SUMF1: variants seen among roughly 807,000 people sequenced by gnomAD.
SUMF1 encodes sulfatase modifying factor 1.
SUMF1 carries 48 observed loss-of-function variants against 47.6 expected under a neutral mutation model. That is an observed-to-expected ratio of 1.01 (90% CI 0.80 to 1.28). The LOEUF (loss-of-function observed/expected upper bound fraction) is 1.28. Ranked by LOEUF, SUMF1 falls within the 50% of genes most tolerant of loss-of-function variation. SUMF1 has a pLI of 0.00. For synonymous variants in SUMF1, 230 were observed against 192.1 expected (o/e 1.20, Z -1.63); for missense variants, 571 against 485.4 (o/e 1.18, Z -1.66).
Position 4,467,203 on chromosome 3 carries a change from C to A in SUMF1, c.43G>T (p.Glu15Ter), listed in dbSNP as rs1350782911. Residue 15 changes from glutamate (E) to a stop codon, truncating the protein, a stop_gained, in exon 1 of 9, where the codon GAG becomes TAG. Coordinates refer to ENST00000272902, the MANE Select transcript of SUMF1 (RefSeq NM_182760.4). LOFTEE classifies it high-confidence loss of function. ...ALGLVCGRCP[E>*]LGLVLLLLLL... The stretch of plus-strand genomic sequence containing the variant: ...AGCAGCAAGAGGACGAGACCCAGCT[C>A]AGGGCAACGTCCACACACCAGCCCT... 6.2e-7 allele frequency: 1 copy of A among 1,611,608 alleles called. No homozygotes were observed. Among genetic ancestry groups the A allele is most frequent in the Non-Finnish European group, 8.5e-7 (1 of 1,179,328 alleles).
intron 8 of SUMF1, among the ~76,000 whole-genome samples, chr3:4,135,908 C>A (rs1357645123): frequency 5.3e-5 from 8 of 152,106 alleles, no homozygotes; most frequent in Admixed American, 5.2e-4. Context: ...CACAGGAATC[C>A]AACTTACATG....
chr3:4,368,974 T>C (rs927866170), intron 8 of SUMF1, among the ~76,000 whole-genome samples: 1 of 151,986 alleles, frequency 6.6e-6, no homozygotes, highest in African/African-American at 2.4e-5. Context: ...CAAAGCAACA[T>C]GTGGAATAAC....
intron 8 of SUMF1, chr3:4,313,745 A>G (rs745949073): frequency 1.2e-6 from 2 of 1,614,006 alleles, no homozygotes; most frequent in South Asian, 2.2e-5. Context: ...CCCTCCTGCA[A>G]GCGATTGACC....
At chr3:4,324,284 A>G (rs1451164797) in intron 8 of SUMF1, among the ~76,000 whole-genome samples, 2 of 152,194 alleles carry the variant, frequency 1.3e-5, no homozygotes, top group South Asian at 2.1e-4. Flanking sequence ...TATCATTGTT[A>G]ATAGAATACC....
intron 8 of SUMF1, among the ~76,000 whole-genome samples, chr3:4,169,313 C>T (rs1694779376): frequency 6.6e-6 from 1 of 152,130 alleles, no homozygotes; most frequent in Non-Finnish European, 1.5e-5. Context: ...TAGGAGTTAA[C>T]AATGATCAAA....
Position 4,286,071 on chromosome 3 carries a change from G to C in SUMF1, c.1014+90259C>G, listed in dbSNP as rs1169922715. On this transcript the variant is annotated intron_variant and NMD_transcript_variant, in intron 8 of 12. Coordinates refer to the SUMF1 transcript ENST00000448413. ...GCACATTCTTTACAAGACTCCTTAA[G>C]AGTATCACTCATTTGTTATATGCTT... 2.0e-4 allele frequency among the ~76,000 whole-genome samples: 31 copies of C among 152,012 alleles called. 1 individual carries two copies. Among genetic ancestry groups the C allele is most frequent in the Admixed American group, 2.0e-3 (31 of 15,264 alleles).
chr3:4,251,495 G>A (rs1224421391), intron 8 of SUMF1, among the ~76,000 whole-genome samples: 1 of 152,170 alleles, frequency 6.6e-6, no homozygotes, highest in Admixed American at 6.5e-5. Flanking sequence ...TTTGAAAGAA[G>A]TTCTGTGTGT....
At chr3:4,341,108 T>C (rs911479033) in intron 8 of SUMF1, among the ~76,000 whole-genome samples, 3 of 152,184 alleles carry the variant, frequency 2.0e-5, no homozygotes, top group East Asian at 1.9e-4. Flanking sequence ...TCTCCTGAAC[T>C]GTCTGTATCC....
intron 3 of SUMF1, among the ~76,000 whole-genome samples, chr3:4,442,336 A>G (rs1183604645): frequency 6.6e-6 from 1 of 151,118 alleles, no homozygotes; most frequent in Non-Finnish European, 1.5e-5. Context: ...GCTCACTGCA[A>G]GCTCCGCCTC....
rs373837271 is a variant in SUMF1 at position 4,383,352 on chromosome 3, C to T, written c.955-6963G>A. On this transcript the variant is annotated intron_variant, in intron 7 of 8. Coordinates refer to ENST00000272902, the MANE Select transcript of SUMF1 (RefSeq NM_182760.4). ...CAAGATTGTGCCACTGCACTCCAGC[C>T]TGGGCGACAGAGCAAGATTCCAACT... 8.5e-4 allele frequency among the ~76,000 whole-genome samples: 129 copies of T among 152,152 alleles called. 2 individuals carry two copies. The South Asian group carries it at 0.015, about 18-fold the overall frequency.
intron 8 of SUMF1, among the ~76,000 whole-genome samples, chr3:4,109,241 T>C (rs1693233090): frequency 6.6e-6 from 1 of 152,098 alleles, no homozygotes; most frequent in Non-Finnish European, 1.5e-5. Context: ...TTAAGAATGT[T>C]GAATATTGGC....
intron 8 of SUMF1, among the ~76,000 whole-genome samples, chr3:4,252,410 T>G (rs1228628075): frequency 6.6e-6 from 1 of 151,832 alleles, no homozygotes; most frequent in African/African-American, 2.4e-5. Context: ...TTTGTACAAC[T>G]TGCCTACATT....
intron 7 of SUMF1, among the ~76,000 whole-genome samples, chr3:4,400,980 A>G (rs1340425673): frequency 1.2e-5 from 1 of 83,450 alleles, no homozygotes; most frequent in Admixed American, 1.7e-4. Context: ...CCACCCCACA[A>G]CAGGCCCTGG....
At chr3:4,370,820 T>C (rs896560742) in intron 8 of SUMF1, among the ~76,000 whole-genome samples, 9 of 152,366 alleles carry the variant, frequency 5.9e-5, no homozygotes, top group Admixed American at 3.3e-4. Context: ...TTTTATGCTA[T>C]GAAAATGTTT....
intron 8 of SUMF1, among the ~76,000 whole-genome samples, chr3:4,346,702 G>C (rs1699380468): frequency 6.7e-6 from 1 of 149,568 alleles, no homozygotes; most frequent in South Asian, 2.1e-4. Flanking sequence ...AGATGAGATA[G>C]AGACACAAAA....
intron 9 of SUMF1, among the ~76,000 whole-genome samples, chr3:4,045,578 G>T (rs1335932943): frequency 6.6e-6 from 1 of 151,962 alleles, no homozygotes; most frequent in Non-Finnish European, 1.5e-5. Context: ...ATTACTATTT[G>T]ATTTGACTAA....
intron 7 of SUMF1, among the ~76,000 whole-genome samples, chr3:4,399,782 G>C (rs1701148898): frequency 6.6e-6 from 1 of 152,132 alleles, no homozygotes. Flanking sequence ...TTTTGAGACA[G>C]AGTCTCGCTC....
At chr3:4,274,480 G>A (rs1422400791) in intron 8 of SUMF1, among the ~76,000 whole-genome samples, 1 of 152,160 alleles carries the variant, frequency 6.6e-6, no homozygotes, top group Non-Finnish European at 1.5e-5. Flanking sequence ...TAAGAAAGCA[G>A]AGGCTAAGAG....
At chr3:4,272,907 C>G (rs12633289) in intron 8 of SUMF1, among the ~76,000 whole-genome samples, 54,566 of 151,598 alleles carry the variant, frequency 0.36, 10,671 homozygotes, top group Non-Finnish European at 0.45. Context: ...GACAGCATCT[C>G]TACAGAAAAG....
Sources: gnomAD v4.1 joint callset for allele counts (sites outside exome capture counted in the v4.1 genomes callset) on GRCh38, gnomAD v4.1.1 for gene constraint, MANE v1.5 for transcripts, NCBI Gene and HGNC (gene_info 2026-07-23, HGNC 2026-07-21) for gene names.